Variants in NUP210 observed in about 807,000 individuals in gnomAD.
NUP210 encodes nucleoporin 210, also known as nuclear pore membrane glycoprotein 210.
A neutral mutation model predicts 196.0 loss-of-function variants in NUP210; 151 were observed. The ratio of observed to expected loss-of-function variants is 0.77; its 90% CI spans 0.67 to 0.88. The LOEUF (loss-of-function observed/expected upper bound fraction) is 0.88. NUP210 is among the 40% of genes least tolerant of loss of function. The pLI is 0.00. For synonymous variants in NUP210, 1,070 were observed against 1,052.7 expected (o/e 1.02, Z -0.32); for missense variants, 2,314 against 2,493.7 (o/e 0.93, Z 1.53).
At chr3:13,375,690 T>C in intron 10 of NUP210, 49 bp from the exon 11 acceptor site, 1 of 1,588,800 alleles carries the variant, frequency 6.3e-7, no homozygotes, top group Non-Finnish European at 8.6e-7. Context: ...CATGTCATCA[T>C]CAGTCTTTCC....
chr3:13,412,411 A>T (rs539577697), intron 1 of NUP210, among the ~76,000 whole-genome samples: 2 of 151,644 alleles, frequency 1.3e-5, no homozygotes, highest in Non-Finnish European at 2.9e-5. Flanking sequence ...TTACTAAAAA[A>T]TTACTTTAAA....
At chr3:13,384,489 C>A (rs1699210959) in intron 6 of NUP210, among the ~76,000 whole-genome samples, 1 of 152,222 alleles carries the variant, frequency 6.6e-6, no homozygotes, top group East Asian at 1.9e-4. Flanking sequence ...GTCCCAGCTA[C>A]TCAGAAGAAA....
intron 15 of NUP210, among the ~76,000 whole-genome samples, chr3:13,358,940 C>T (rs1375014700): frequency 6.6e-6 from 1 of 152,230 alleles, no homozygotes; most frequent in African/African-American, 2.4e-5. Context: ...AGAGGGAAAT[C>T]CATGGTGCAA....
intron 39 of NUP210, among the ~76,000 whole-genome samples, chr3:13,318,754 C>T (rs1021169923): frequency 3.9e-5 from 6 of 152,182 alleles, no homozygotes; most frequent in Non-Finnish European, 7.3e-5. Context: ...CTCGTCCAAC[C>T]CCAGCTTAGA....
intron 2 of NUP210, among the ~76,000 whole-genome samples, chr3:13,398,321 C>T (rs112326310): frequency 0.056 from 8,567 of 152,100 alleles, 305 homozygotes; most frequent in Middle Eastern, 0.11. Flanking sequence ...CACATGCCTA[C>T]AATCCCAGCT....
Position 13,379,113 on chromosome 3 carries a change from G to T in NUP210, c.977-133C>A. The T allele has an allele frequency of 1.3e-6, 1 of 785,116 alleles. No homozygotes were observed. Among genetic ancestry groups the T allele is most frequent in the Non-Finnish European group, 2.2e-6 (1 of 450,454 alleles). 48.6% of individuals were successfully genotyped at this position (785,116 alleles called of 1,614,324 possible). On this transcript the variant is annotated intron_variant, in intron 7 of 39. Coordinates refer to ENST00000254508, the MANE Select transcript of NUP210 (RefSeq NM_024923.4). The surrounding 1 kb of genome is among the most constrained non-coding windows in gnomAD (Gnocchi z 4.2). ...AGAAGAGGGGATGAAAACTCCCCTG[G>T]CTTAGGCCACGTAGAGCAAAGGCAC...
In NUP210 at chr3:13,379,096, G is replaced by T; in HGVS notation, c.977-116C>A. On this transcript the variant is annotated intron_variant, in intron 7 of 39. Coordinates refer to ENST00000254508, the MANE Select transcript of NUP210 (RefSeq NM_024923.4). The surrounding 1 kb of genome is among the most constrained non-coding windows in gnomAD (Gnocchi z 4.2). ...GACATCACATGGAGAGAAGAAGAGG[G>T]GATGAAAACTCCCCTGGCTTAGGCC... The T allele has an allele frequency of 1.1e-6, 1 of 887,480 alleles. No individual in the cohort carries two copies. The highest frequency in any genetic ancestry group is 1.9e-6 in the Non-Finnish European group (1 of 531,250). The allele number at this position is 887,480 out of a possible 1,614,324, so 55.0% of individuals were successfully genotyped here.
At chr3:13,392,357 G>A (rs1341793092) in intron 3 of NUP210, among the ~76,000 whole-genome samples, 6 of 152,182 alleles carry the variant, frequency 3.9e-5, no homozygotes, top group Non-Finnish European at 5.9e-5. Context: ...TTCCCTGGGT[G>A]TCTTTCCGTC....
Position 13,351,981 on chromosome 3 carries a change from C to T in NUP210, c.2734-1G>A. ...AGCCTTCCCTGATGCGGAGCTCTGC[C>T]TGCAGGAGGCAGATGCAGGGAGGGT... On this transcript the variant is annotated splice_acceptor_variant, in intron 19 of 39. Coordinates refer to ENST00000254508, the MANE Select transcript of NUP210 (RefSeq NM_024923.4). LOFTEE classifies it high-confidence loss of function. 6.2e-7 allele frequency: 1 copy of T among 1,610,318 alleles called. No individual in the cohort carries two copies. Among genetic ancestry groups the T allele is most frequent in the Non-Finnish European group, 8.5e-7 (1 of 1,177,116 alleles).
chr3:13,414,435 G>T (rs574978602), intron 1 of NUP210, among the ~76,000 whole-genome samples: 4 of 152,340 alleles, frequency 2.6e-5, no homozygotes, highest in Admixed American at 1.3e-4. Context: ...GTCCAGCCCT[G>T]CAGGGGCCAC....
At position 13,373,755 on chromosome 3, in the gene NUP210, T is replaced by A. The variant is rs747003687; in HGVS notation, c.1550A>T (p.His517Leu). Residue 517 changes from histidine (H) to leucine (L), a missense_variant, in exon 12 of 40, where the codon CAT becomes CTT. Coordinates refer to ENST00000254508, the MANE Select transcript of NUP210 (RefSeq NM_024923.4). ...GAAATGGAGTGGGTTCTGCACATCATGTGCCTGGATCACACTGAACCCGAT... is the reference window on the plus strand; with the variant it reads ...GAAATGGAGTGGGTTCTGCACATCAAGTGCCTGGATCACACTGAACCCGAT... ...SDIGFSVIQA[H>L]DVQNPLHFGE... The A allele has an allele frequency of 6.2e-7, 1 of 1,614,068 alleles. No homozygotes were observed. The highest frequency in any genetic ancestry group is 1.3e-5 in the African/African-American group (1 of 74,938).
At chr3:13,333,638 G>A (rs1228878690) in intron 28 of NUP210, among the ~76,000 whole-genome samples, 1 of 152,206 alleles carries the variant, frequency 6.6e-6, no homozygotes, top group African/African-American at 2.4e-5. Flanking sequence ...CCCAAACGGT[G>A]AGAAACAGCC....
intron 3 of NUP210, among the ~76,000 whole-genome samples, chr3:13,392,880 T>C (rs1466484544): frequency 1.3e-5 from 2 of 151,550 alleles, no homozygotes; most frequent in Non-Finnish European, 2.9e-5. Context: ...AGGCCGGCTT[T>C]GCAGTATGCT....
In NUP210 at chr3:13,317,620, T is replaced by C. The variant is rs1696320797; in HGVS notation, c.*61A>G. ...TTCCAGTGTGAATGCAGCAGGGATG[T>C]TCCATCTTGGGGGTGCACGAGGCTC... is the stretch of plus-strand genomic sequence containing the variant. On this transcript the variant is annotated 3_prime_UTR_variant, in exon 40 of 40. Coordinates refer to ENST00000254508, the MANE Select transcript of NUP210 (RefSeq NM_024923.4). The C allele has an allele frequency of 1.6e-6, 2 of 1,231,934 alleles. No individual in the cohort carries two copies. Among genetic ancestry groups the C allele is most frequent in the Non-Finnish European group, 2.3e-6 (2 of 857,832 alleles). 76.3% of individuals were successfully genotyped at this position (1,231,934 alleles called of 1,614,324 possible).
At chr3:13,353,513 C>G (rs375107879) in intron 18 of NUP210, 41 bp downstream of exon 18, 1 of 1,522,132 alleles carries the variant, frequency 6.6e-7, no homozygotes, top group East Asian at 2.3e-5. Context: ...AGGCTTGCCC[C>G]GCTACCCATA....
Position 13,346,463 on chromosome 3 carries a change from G to A in NUP210, c.2836-3160C>T, listed in dbSNP as rs941977483. Reference sequence around the variant, plus strand: ...CCAGGATGAATTTTAATTTCTGAGTGTTGAAGGTGCCACCTGAGAACATTG... The same window carrying A: ...CCAGGATGAATTTTAATTTCTGAGTATTGAAGGTGCCACCTGAGAACATTG... On this transcript the variant is annotated intron_variant, in intron 20 of 39. Transcript: ENST00000254508. Among the ~76,000 whole-genome samples the A allele has an allele frequency of 2.0e-5, 3 of 152,230 alleles. No homozygotes were observed. In the East Asian group the frequency reaches 5.8e-4, roughly 29 times the overall value.
At chr3:13,325,426 C>T (rs758653850) in intron 33 of NUP210, among the ~76,000 whole-genome samples, 20 of 152,168 alleles carry the variant, frequency 1.3e-4, no homozygotes, top group African/African-American at 4.6e-4. Context: ...CAGGTTTTGT[C>T]GCCTCCAGAC....
intron 1 of NUP210, among the ~76,000 whole-genome samples, chr3:13,408,382 A>T (rs1700063280): frequency 6.6e-6 from 1 of 152,162 alleles, no homozygotes; most frequent in African/African-American, 2.4e-5. Context: ...GAATTAGGAA[A>T]CAATTGCTCC....
At chr3:13,401,788 G>C (rs560657783) in intron 1 of NUP210, among the ~76,000 whole-genome samples, 7 of 152,254 alleles carry the variant, frequency 4.6e-5, no homozygotes, top group Admixed American at 4.6e-4. Context: ...CAGGGCAGTA[G>C]AGGCTAAGGA....
Sources: allele counts gnomAD v4.1 joint callset (sites outside exome capture counted in the v4.1 genomes callset), GRCh38; gene constraint gnomAD v4.1.1; non-coding constraint Gnocchi (gnomAD v3.1); transcripts MANE v1.5; gene names NCBI Gene and HGNC (gene_info 2026-07-23, HGNC 2026-07-21).